NUP93: variants seen among roughly 807,000 people sequenced by gnomAD.
NUP93 encodes the protein nuclear pore complex protein Nup93.
NUP93 carries 55 observed loss-of-function variants against 107.8 expected under a neutral mutation model. The ratio of observed to expected loss-of-function variants is 0.51; its 90% CI spans 0.41 to 0.64. NUP93 has a LOEUF of 0.64. Among genes scored for constraint, NUP93 ranks in the 30% least tolerant of loss-of-function variants. NUP93 has a pLI of 0.00. For missense variants in NUP93, 937 were observed against 1,044.7 expected (o/e 0.90, Z 1.42); for synonymous variants, 390 against 397.5 (o/e 0.98, Z 0.22).
chr16:56,848,190 C>A lies in NUP93; in HGVS notation c.*3581C>A, dbSNP rs1420349344. 1 of 152,178 alleles carries A rather than the reference C, an allele frequency of 6.6e-6. No homozygotes were observed. The highest frequency in any genetic ancestry group is 1.9e-4 in the East Asian group (1 of 5,190). 9.4% of individuals were successfully genotyped at this position (152,178 alleles called of 1,614,324 possible). On this transcript the variant is annotated 3_prime_UTR_variant, in exon 22 of 22. Coordinates refer to ENST00000308159, the MANE Select transcript of NUP93 (RefSeq NM_014669.5). ...TTCCAGCATGCCACTCAGGAAGTGACTTGAGCATGCTGAATGCTGAGTCAG... is the reference window on the plus strand; with the variant it reads ...TTCCAGCATGCCACTCAGGAAGTGAATTGAGCATGCTGAATGCTGAGTCAG...
chr16:56,743,949 C>T (rs1245672166), intron 1 of NUP93, among the ~76,000 whole-genome samples: 1 of 152,200 alleles, frequency 6.6e-6, no homozygotes, highest in East Asian at 1.9e-4. Flanking sequence ...TCTGAAGTGC[C>T]TGCCAGTGTT....
intron 5 of NUP93, among the ~76,000 whole-genome samples, chr16:56,809,002 T>C (rs1387557712): frequency 6.6e-6 from 1 of 152,046 alleles, no homozygotes; most frequent in African/African-American, 2.4e-5. Context: ...TATATGAGAC[T>C]GTATGTTCTT....
chr16:56,789,689 T>C (rs1418754078), intron 3 of NUP93, among the ~76,000 whole-genome samples: 1 of 152,248 alleles, frequency 6.6e-6, no homozygotes, highest in Non-Finnish European at 1.5e-5. Flanking sequence ...TAAAAACATA[T>C]TACAGTTGGC....
chr16:56,800,984 CA>C (rs1963007897), intron 4 of NUP93, among the ~76,000 whole-genome samples: 1 of 152,188 alleles, frequency 6.6e-6, no homozygotes, highest in Admixed American at 6.5e-5. Flanking sequence ...CCACACATAA[CA>C]AAAACTTGAA....
At chr16:56,757,665 C>T (rs1225201567) in intron 2 of NUP93, among the ~76,000 whole-genome samples, 1 of 152,140 alleles carries the variant, frequency 6.6e-6, no homozygotes, top group Admixed American at 6.5e-5. Flanking sequence ...TCTTCAAAAG[C>T]ATTTACTGAT....
In NUP93 at chr16:56,849,333, TTAAAAA is replaced by T. The variant is rs1331504676; in HGVS notation, c.*4725_*4730del. ...ACTGTGAATAATGAAGGCCGGATCTTTAAAAAGAAAAAGGGACGGGGTGCTGGCAGA... is the reference window on the plus strand; with the variant it reads ...ACTGTGAATAATGAAGGCCGGATCTTGAAAAAGGGACGGGGTGCTGGCAGA... On this transcript the variant is annotated 3_prime_UTR_variant, in exon 22 of 22. Transcript: ENST00000308159. 1.3e-5 allele frequency: 2 copies of T among 152,198 alleles called. No homozygotes were observed. The highest frequency in any genetic ancestry group is 1.9e-4 in the East Asian group (1 of 5,190). 9.4% of individuals were successfully genotyped at this position (152,198 alleles called of 1,614,324 possible).
chr16:56,808,675 T>TA (rs1205505391), intron 5 of NUP93, among the ~76,000 whole-genome samples: 4 of 132,968 alleles, frequency 3.0e-5, no homozygotes, highest in East Asian at 2.2e-4. Context: ...TATAAATATA[T>TA]AAAATACATA....
intron 1 of NUP93, among the ~76,000 whole-genome samples, chr16:56,741,308 G>A (rs1961735670): frequency 6.6e-6 from 1 of 152,154 alleles, no homozygotes; most frequent in African/African-American, 2.4e-5. Flanking sequence ...ATTTTACAAT[G>A]ATATAAATCA....
intron 1 of NUP93, among the ~76,000 whole-genome samples, chr16:56,738,805 T>C (rs1306419471): frequency 6.6e-6 from 1 of 152,032 alleles, no homozygotes; most frequent in African/African-American, 2.4e-5. Flanking sequence ...TGGGTGGAGG[T>C]TTTTCTCATC....
intron 20 of NUP93, chr16:56,839,854 G>A: frequency 2.2e-6 from 1 of 460,226 alleles, no homozygotes; most frequent in Middle Eastern, 3.2e-4. Context: ...GTTCTTGGGA[G>A]AAACAGGTTT....
At chr16:56,793,541 A>G (rs1397034602) in intron 3 of NUP93, among the ~76,000 whole-genome samples, 2 of 152,046 alleles carry the variant, frequency 1.3e-5, no homozygotes, top group African/African-American at 2.4e-5. Context: ...CATAAGCTAT[A>G]TGAGTACATC....
intron 1 of NUP93, among the ~76,000 whole-genome samples, chr16:56,745,668 T>C (rs1597102913): frequency 6.6e-6 from 1 of 152,248 alleles, no homozygotes; most frequent in East Asian, 1.9e-4. Context: ...CCATCATGGG[T>C]TTTGGTCCAA....
At chr16:56,788,301 C>T (rs937414842) in intron 3 of NUP93, among the ~76,000 whole-genome samples, 2 of 152,160 alleles carry the variant, frequency 1.3e-5, no homozygotes, top group Non-Finnish European at 2.9e-5. Flanking sequence ...CACTAGGACA[C>T]GGGCTCTGGC....
At chr16:56,770,362 A>G (rs1342553722) in intron 3 of NUP93, among the ~76,000 whole-genome samples, 1 of 152,154 alleles carries the variant, frequency 6.6e-6, no homozygotes, top group Non-Finnish European at 1.5e-5. Context: ...AACTTTCACC[A>G]TCTTCTTTCA....
chr16:56,756,938 C>G (rs1440838562), intron 2 of NUP93, among the ~76,000 whole-genome samples: 1 of 151,986 alleles, frequency 6.6e-6, no homozygotes, highest in South Asian at 2.1e-4. Flanking sequence ...GCATAAATGT[C>G]TTCTTTTGAG....
In NUP93 at chr16:56,837,673, C is replaced by T. The variant is rs747600853; in HGVS notation, c.1965C>T (p.Ala655=). The change falls in exon 18 of 22, where the codon GCC becomes GCT. Residue 655 remains alanine (A), a synonymous_variant. Coordinates refer to ENST00000308159, the MANE Select transcript of NUP93 (RefSeq NM_014669.5). ...GCCCTGTCGTCCCCCAGATCAGTGC[C>T]CCGCAATCCAACAAGGAGAGGCTGA... ...LLSPVVPQIS[A]PQSNKERLKN... is the part of the protein sequence containing the mutation. The T allele has an allele frequency of 5.6e-6, 9 of 1,614,168 alleles. No individual in the cohort carries two copies. The highest frequency in any genetic ancestry group is 7.6e-6 in the Non-Finnish European group (9 of 1,180,012).
chr16:56,794,542 T>C (rs1962845730), intron 3 of NUP93, among the ~76,000 whole-genome samples: 1 of 151,950 alleles, frequency 6.6e-6, no homozygotes, highest in Non-Finnish European at 1.5e-5. Flanking sequence ...TTTCAACAAA[T>C]GTGGTCATTG....
At chr16:56,806,590 TGTTGGCAAACCTTAG>T (rs1175860409) in intron 5 of NUP93, among the ~76,000 whole-genome samples, 1 of 152,194 alleles carries the variant, frequency 6.6e-6, no homozygotes, top group African/African-American at 2.4e-5. Flanking sequence ...TTCACATGGC[TGTTGGCAAACCTTAG>T]GTCCTTTCTG....
chr16:56,845,203 G>A lies in NUP93; in HGVS notation c.*594G>A, dbSNP rs1964102019. Reference sequence around the variant, plus strand: ...AGTTTGCCGTTCTGTTGCAATCCCAGTGGAGATAAAAGCATAGACCTAGAA... The same window carrying A: ...AGTTTGCCGTTCTGTTGCAATCCCAATGGAGATAAAAGCATAGACCTAGAA... On this transcript the variant is annotated 3_prime_UTR_variant, in exon 22 of 22. Coordinates refer to ENST00000308159, the MANE Select transcript of NUP93 (RefSeq NM_014669.5). 1.2e-5 allele frequency: 2 copies of A among 168,820 alleles called. No homozygotes were observed. The highest frequency in any genetic ancestry group is 4.8e-5 in the African/African-American group (2 of 41,962). 10.5% of individuals were successfully genotyped at this position (168,820 alleles called of 1,614,324 possible).
Sources: allele counts gnomAD v4.1 joint callset (sites outside exome capture counted in the v4.1 genomes callset), GRCh38; gene constraint gnomAD v4.1.1; transcripts MANE v1.5; gene names NCBI Gene and HGNC (gene_info 2026-07-23, HGNC 2026-07-21).